Variants in MYO15B observed in about 807,000 individuals in gnomAD.
MYO15B encodes myosin XVB pseudogene.
In MYO15B, 207 loss-of-function variants were observed where a neutral mutation model predicts 119.3. The ratio of observed to expected loss-of-function variants is 1.73; its 90% CI spans 1.55 to 1.95. The LOEUF (loss-of-function observed/expected upper bound fraction) is 1.95, where lower values mean the gene tolerates loss of function less well. Ranked by LOEUF, MYO15B falls within the 30% of genes most tolerant of loss-of-function variation. MYO15B has a pLI of 0.00. For synonymous variants in MYO15B, 966 were observed against 498.9 expected (o/e 1.94, Z -12.48); for missense variants, 2,264 against 1,203.1 (o/e 1.88, Z -13.04).
chr17:75,607,647 C>T (rs933901307), intron 21 of MYO15B, among the ~76,000 whole-genome samples: 4 of 151,830 alleles, frequency 2.6e-5, no homozygotes, highest in South Asian at 2.1e-4. Context: ...TCAGTAGAGA[C>T]GGGGTTTCAC....
chr17:75,621,252 T>C, intron 50 of MYO15B, 76 bp downstream of exon 50: 2 of 660,250 alleles, frequency 3.0e-6, no homozygotes, highest in South Asian at 3.3e-5. Context: ...TCAGAGCCAC[T>C]GGGCTGTGCT....
At chr17:75,625,153 C>T (rs1357752827) in exon 60 of MYO15B, 3 of 701,258 alleles carry the variant, frequency 4.3e-6, no homozygotes, top group African/African-American at 3.5e-5. Context: ...GGGGAAGCTG[C>T]CAGTCAGCGC....
At chr17:75,593,419 G>A (rs1163162677) in intron 9 of MYO15B, among the ~76,000 whole-genome samples, 1 of 152,048 alleles carries the variant, frequency 6.6e-6, no homozygotes, top group East Asian at 1.9e-4. Flanking sequence ...CCAACATGCT[G>A]AAACCCTGTC....
At position 75,598,744 on chromosome 17, in the gene MYO15B, G is replaced by A. The variant is rs537791044; in HGVS notation, c.3525+1845G>A. ...AGTCTTGTACTAGATAATTAAGAGAGTGTTAATTTCTAAACGATTGTTTCT... is the reference window on the plus strand; with the variant it reads ...AGTCTTGTACTAGATAATTAAGAGAATGTTAATTTCTAAACGATTGTTTCT... On this transcript the variant is annotated intron_variant, in intron 14 of 63. Transcript: ENST00000645453. 8.5e-5 allele frequency among the ~76,000 whole-genome samples: 13 copies of A among 152,100 alleles called. No individual in the cohort carries two copies. In the South Asian group the frequency reaches 2.5e-3, roughly 29 times the overall value.
At chr17:75,590,154 G>T in exon 1 of MYO15B, 3 of 399,084 alleles carry the variant, frequency 7.5e-6, no homozygotes, top group Non-Finnish European at 1.3e-5. Flanking sequence ...TGAGCCTCCG[G>T]CCGGGCCTGG....
chr17:75,591,122 C>G (rs777414710), intron 3 of MYO15B, 50 bp from the exon 4 acceptor site: 13 of 702,056 alleles, frequency 1.9e-5, no homozygotes, highest in Non-Finnish European at 2.6e-6. Flanking sequence ...TCTGCTACAC[C>G]TCGGAGGGTC....
chr17:75,624,211 C>T (rs900106648), exon 56 of MYO15B: 1 of 702,914 alleles, frequency 1.4e-6, no homozygotes, highest in Non-Finnish European at 2.6e-6. Flanking sequence ...CTCCAGCGCA[C>T]AGTCAAATAT....
Position 75,602,498 on chromosome 17 carries a change from C to CCTG in MYO15B, c.3652-17_3652-15dup. On this transcript the variant is annotated intron_variant, in intron 15 of 63. Transcript: ENST00000645453. Reference sequence around the variant, plus strand: ...CTCCCTTTCTCCACTTCCCTCCCCACCTGCATGGTCTCTTGCAGGTTCACA... The same window carrying CCTG: ...CTCCCTTTCTCCACTTCCCTCCCCACCTGCTGCATGGTCTCTTGCAGGTTCACA... The CCTG allele has an allele frequency of 1.4e-6, 1 of 702,962 alleles. No individual in the cohort carries two copies. The highest frequency in any genetic ancestry group is 2.6e-6 in the Non-Finnish European group (1 of 384,924). 43.5% of individuals were successfully genotyped at this position (702,962 alleles called of 1,614,324 possible). A position where few individuals can be genotyped will look rare whatever the true frequency, so the allele number is the denominator to read the frequency against.
At chr17:75,615,214 C>A in intron 33 of MYO15B, 26 bp from the exon 34 acceptor site, 1 of 696,368 alleles carries the variant, frequency 1.4e-6, no homozygotes, top group Non-Finnish European at 2.6e-6. Context: ...CAGGCAGGGA[C>A]TGACAGGGAG....
chr17:75,601,725 G>A (rs899834895), intron 15 of MYO15B, among the ~76,000 whole-genome samples, 162 bp downstream of exon 15: 1 of 152,226 alleles, frequency 6.6e-6, no homozygotes, highest in Non-Finnish European at 1.5e-5. Context: ...TTCTGAGCAC[G>A]GTTTACTGAG....
At chr17:75,625,075 G>A (rs1480241993) in intron 59 of MYO15B, 48 bp from the exon 60 acceptor site, 2 of 664,116 alleles carry the variant, frequency 3.0e-6, no homozygotes, top group Non-Finnish European at 5.5e-6. Context: ...ACCAACTGAT[G>A]GGGGGCTTTG....
chr17:75,625,919 G>A (rs1346579511), exon 62 of MYO15B: 2 of 702,618 alleles, frequency 2.8e-6, no homozygotes, highest in Non-Finnish European at 5.2e-6. Flanking sequence ...GCCCTGTCCG[G>A]ACCCACTCTC....
Position 75,588,652 on chromosome 17 carries a change from G to A in MYO15B, c.595G>A (p.Glu199Lys), listed in dbSNP as rs1412806089. 1.7e-5 allele frequency: 7 copies of A among 400,942 alleles called. No individual in the cohort carries two copies. The Middle Eastern group carries it at 2.5e-3, about 144-fold the overall frequency. 24.8% of individuals were successfully genotyped at this position (400,942 alleles called of 1,614,324 possible). A position where few individuals can be genotyped will look rare whatever the true frequency, so the allele number is the denominator to read the frequency against. Reference sequence around the variant, plus strand: ...CTCGGAAGGGACAAAAACCGGGCCGGAGTCAGCGCTGGAGCCAAGCAGCGA... The same window carrying A: ...CTCGGAAGGGACAAAAACCGGGCCGAAGTCAGCGCTGGAGCCAAGCAGCGA... Residue 199 changes from glutamate (E) to lysine (K), a missense_variant, in exon 1 of 64, where the codon GAG becomes AAG. Transcript: ENST00000645453.
rs112586313 is a variant in MYO15B, at chr17:75,596,914, G to C, written c.3525+15G>C. On this transcript the variant is annotated intron_variant, in intron 14 of 63. Transcript: ENST00000645453. The stretch of plus-strand genomic sequence containing the variant: ...GGCTGTCCCAGGTAAGGGCCAGGAT[G>C]GTGACCCCCCACCCAGTGTCGGGAA... 0.018 allele frequency: 12,697 copies of C among 688,156 alleles called. 175 individuals are homozygous for C. Among genetic ancestry groups the C allele is most frequent in the Non-Finnish European group, 0.027 (10,195 of 378,142 alleles). The allele number at this position is 688,156 out of a possible 1,614,324, so 42.6% of individuals were successfully genotyped here. A position where few individuals can be genotyped will look rare whatever the true frequency, so the allele number is the denominator to read the frequency against.
chr17:75,601,397 C>A, intron 14 of MYO15B, 41 bp from the exon 15 acceptor site: 1 of 700,136 alleles, frequency 1.4e-6, no homozygotes, highest in Non-Finnish European at 2.6e-6. Context: ...GAAGGACAGC[C>A]TGTGCAGAGG....
At chr17:75,611,522 TG>T (rs1568176552) in intron 23 of MYO15B, 78 bp from the exon 24 acceptor site, 1 of 676,204 alleles carries the variant, frequency 1.5e-6, no homozygotes, top group Non-Finnish European at 2.7e-6. Context: ...TTTATAATCT[TG>T]GGGTTGAGGG....
At chr17:75,592,566 CG>C (rs1243957745) in intron 8 of MYO15B, 25 bp downstream of exon 8, 13 of 614,042 alleles carry the variant, frequency 2.1e-5, no homozygotes, top group Admixed American at 8.0e-5. Context: ...TGTGGTGCGG[CG>C]GGGAGGCCTG....
At chr17:75,626,523 CCCCGG>C (rs2059080105) in exon 64 of MYO15B, 1 of 702,826 alleles carries the variant, frequency 1.4e-6, no homozygotes, top group Non-Finnish European at 2.6e-6. Context: ...ATGAGGCCTC[CCCCGG>C]CCCAAGTCTC....
rs958798033 is a variant in MYO15B at position 75,613,687 on chromosome 17, C to T, written c.5147-18C>T. Reference sequence around the variant, plus strand: ...CTGCTGTCCCTCACTCTTGCCCCCGCCCCCCATGCCCCTGCAGAGGAGTGC... The same window carrying T: ...CTGCTGTCCCTCACTCTTGCCCCCGTCCCCCATGCCCCTGCAGAGGAGTGC... On this transcript the variant is annotated intron_variant, in intron 28 of 63. Coordinates refer to ENST00000645453, the Ensembl canonical transcript of MYO15B. 9 of 700,072 alleles carry T rather than the reference C, an allele frequency of 1.3e-5. No homozygotes were observed. The highest frequency in any genetic ancestry group is 8.0e-5 in the East Asian group (3 of 37,284). 43.4% of individuals were successfully genotyped at this position (700,072 alleles called of 1,614,324 possible). A position where few individuals can be genotyped will look rare whatever the true frequency, so the allele number is the denominator to read the frequency against.
Sources: gnomAD v4.1 joint callset for allele counts (sites outside exome capture counted in the v4.1 genomes callset) on GRCh38, gnomAD v4.1.1 for gene constraint, MANE v1.5 for transcripts, NCBI Gene and HGNC (gene_info 2026-07-23, HGNC 2026-07-21) for gene names.